The following MED12L variants were observed in gnomAD, a reference collection of about 807,000 sequenced individuals.
MED12L encodes the protein mediator complex subunit 12L.
Under a neutral mutation model 281.3 loss-of-function variants are expected in MED12L, and 60 were observed. That is an observed-to-expected ratio of 0.21 (90% confidence interval 0.17 to 0.26). MED12L has a LOEUF of 0.26. Ranked by LOEUF, MED12L falls within the 10% of genes least tolerant of loss-of-function variation. The probability of loss-of-function intolerance (pLI) is 1.00; values close to 1 mark genes in which losing one functional copy is unlikely to be tolerated. For missense variants in MED12L, 2,146 were observed against 2,680.9 expected, an observed-to-expected ratio of 0.80 and a Z score of 4.41; for synonymous variants, 974 against 987.2, an observed-to-expected ratio of 0.99 and a Z score of 0.25.
intron 16 of MED12L, among the ~76,000 whole-genome samples, chr3:151,224,919 T>C (rs1344145955): frequency 6.6e-6 from 1 of 152,214 alleles, no homozygotes; most frequent in Non-Finnish European, 1.5e-5. Context: ...GTTCATTTGC[T>C]CACTAAAGCC....
At chr3:151,310,927 G>A (rs1375752248) in intron 16 of MED12L, among the ~76,000 whole-genome samples, 3 of 152,156 alleles carry the variant, frequency 2.0e-5, no homozygotes, top group Admixed American at 6.5e-5. Flanking sequence ...AGGAGCTGGG[G>A]TGGGGAAAAA....
Position 151,355,889 on chromosome 3 carries a change from T to G in MED12L, c.2518-7T>G, listed in dbSNP as rs747994594. 2 of 1,601,588 alleles carry G rather than the reference T, an allele frequency of 1.2e-6. No homozygotes were observed. Among genetic ancestry groups the G allele is most frequent in the Middle Eastern group, 1.7e-4 (1 of 5,980 alleles). On this transcript the variant is annotated splice_polypyrimidine_tract_variant and splice_region_variant and intron_variant, in intron 18 of 44. Transcript: ENST00000687756. Reference sequence around the variant, plus strand: ...GTCTTACAATATTTTTGTTTTTATTTGCACAGATTTCTAACAATGTGCTAG... The same window carrying G: ...GTCTTACAATATTTTTGTTTTTATTGGCACAGATTTCTAACAATGTGCTAG...
chr3:151,192,787 G>C (rs1385750621), intron 15 of MED12L, 133 bp downstream of exon 15: 1 of 682,664 alleles, frequency 1.5e-6, no homozygotes, highest in Non-Finnish European at 2.5e-6. Context: ...TCTTCCTTTG[G>C]TACAATTATC....
At chr3:151,348,980 T>C (rs1311662487) in intron 16 of MED12L, among the ~76,000 whole-genome samples, 3 of 152,194 alleles carry the variant, frequency 2.0e-5, no homozygotes, top group Non-Finnish European at 4.4e-5. Context: ...ATAAGCTCCT[T>C]AGGATAAGAT....
intron 16 of MED12L, chr3:151,316,889 G>A (rs1336716290): frequency 6.6e-6 from 1 of 152,168 alleles, no homozygotes; most frequent in Non-Finnish European, 1.5e-5. Flanking sequence ...GTCGACTGGG[G>A]AAGAGTATTT....
chr3:151,169,411 G>A (rs561891534), intron 11 of MED12L, among the ~76,000 whole-genome samples: 8 of 152,194 alleles, frequency 5.3e-5, no homozygotes, highest in South Asian at 2.1e-4. Context: ...ATGAGCCACC[G>A]TGCCCAGCCC....
chr3:151,414,933 C>A (rs996349224), intron 42 of MED12L, among the ~76,000 whole-genome samples: 1 of 152,074 alleles, frequency 6.6e-6, no homozygotes, highest in East Asian at 1.9e-4. Flanking sequence ...GATAATTTTA[C>A]GATTAATGTT....
At chr3:151,398,477 G>A (rs1320577496) in intron 39 of MED12L, among the ~76,000 whole-genome samples, 1 of 152,146 alleles carries the variant, frequency 6.6e-6, no homozygotes, top group Non-Finnish European at 1.5e-5. Flanking sequence ...GGAATATTCT[G>A]TCATGGATTG....
chr3:151,426,462 T>G (rs1157024756), intron 43 of MED12L, among the ~76,000 whole-genome samples: 1 of 152,204 alleles, frequency 6.6e-6, no homozygotes, highest in Admixed American at 6.5e-5. Context: ...CTGGGGCCTA[T>G]TGCCTGTGCA....
chr3:151,116,673 C>T (rs1407124681), intron 3 of MED12L, among the ~76,000 whole-genome samples: 5 of 152,192 alleles, frequency 3.3e-5, no homozygotes, highest in Admixed American at 3.3e-4. Flanking sequence ...TCCCTCCTCC[C>T]CATTCCTGCC....
At position 151,388,054 on chromosome 3, in the gene MED12L, T is replaced by A; in HGVS notation, c.5333T>A (p.Val1778Asp). 6.2e-7 allele frequency: 1 copy of A among 1,614,014 alleles called. No individual in the cohort carries two copies. Among genetic ancestry groups the A allele is most frequent in the Non-Finnish European group, 8.5e-7 (1 of 1,179,984 alleles). ...EEEEEEPTSP[V>D]SQEPERKSAE... The stretch of plus-strand genomic sequence containing the variant: ...GAAGAGGAAGAGCCCACATCTCCAG[T>A]TTCTCAGGAACCAGAAAGGAAGTCC... Residue 1778 changes from valine (V) to aspartate (D), a missense_variant, in exon 37 of 45, where the codon GTT (valine) becomes GAT (aspartate). By Grantham distance (152) the Val-to-Asp change is radical. Around this residue, in one of 9 missense-constraint regions of MED12L, gnomAD observed 496 missense variants for 512.0 expected, o/e 0.97. Transcript: ENST00000687756.
At chr3:151,225,074 A>G (rs139240382) in intron 16 of MED12L, among the ~76,000 whole-genome samples, 2 of 152,274 alleles carry the variant, frequency 1.3e-5, no homozygotes, top group Non-Finnish European at 2.9e-5. Context: ...AGAGCTGGAT[A>G]TTTTAGAACT....
chr3:151,211,909 G>T (rs1377171171), intron 16 of MED12L, among the ~76,000 whole-genome samples: 1 of 152,252 alleles, frequency 6.6e-6, no homozygotes, highest in African/African-American at 2.4e-5. Flanking sequence ...GCCTTCCAAA[G>T]TGTTGGGAGT....
chr3:151,171,052 C>T (rs951387260), intron 11 of MED12L, among the ~76,000 whole-genome samples: 35 of 152,196 alleles, frequency 2.3e-4, no homozygotes, highest in African/African-American at 8.2e-4. Context: ...TGTCTGCTGG[C>T]CATATTCACT....
At chr3:151,209,235 T>TAA in intron 16 of MED12L, among the ~76,000 whole-genome samples, 1 of 152,356 alleles carries the variant, frequency 6.6e-6, no homozygotes, top group South Asian at 2.1e-4. Flanking sequence ...AGGAATGCAG[T>TAA]AACATCTCAT....
At chr3:151,318,470 A>G (rs1203062318) in intron 16 of MED12L, among the ~76,000 whole-genome samples, 3 of 151,436 alleles carry the variant, frequency 2.0e-5, no homozygotes, top group Non-Finnish European at 4.4e-5. Flanking sequence ...CCATTTTTTC[A>G]TGATGATTCA....
chr3:151,243,455 C>G (rs1250859188), intron 16 of MED12L, among the ~76,000 whole-genome samples: 1 of 152,004 alleles, frequency 6.6e-6, no homozygotes, highest in African/African-American at 2.4e-5. Context: ...GAGTGGGGGC[C>G]AATATTCAAC....
At chr3:151,409,757 G>A (rs1178257331) in intron 40 of MED12L, among the ~76,000 whole-genome samples, 2 of 152,074 alleles carry the variant, frequency 1.3e-5, no homozygotes, top group Non-Finnish European at 2.9e-5. Flanking sequence ...CAGAATTTGA[G>A]ACCAGCCTGG....
chr3:151,130,376 C>G (rs1715201862), intron 5 of MED12L, among the ~76,000 whole-genome samples: 1 of 152,158 alleles, frequency 6.6e-6, no homozygotes, highest in Non-Finnish European at 1.5e-5. Flanking sequence ...CAAAATAAAA[C>G]CAGAATCTGA....
Sources: allele counts gnomAD v4.1 joint callset (sites outside exome capture counted in the v4.1 genomes callset), GRCh38; gene constraint gnomAD v4.1.1; regional missense constraint gnomAD v4.1.1; transcripts MANE v1.5; gene names NCBI Gene and HGNC (gene_info 2026-07-23, HGNC 2026-07-21).